The following SNTG1 variants were observed in gnomAD, a reference collection of about 807,000 sequenced individuals.
SNTG1 encodes syntrophin gamma 1.
Under a neutral mutation model 74.7 loss-of-function variants are expected in SNTG1, and 39 were observed. The observed-to-expected ratio is 0.52, with a 90% CI of 0.40 to 0.68. SNTG1 has a LOEUF of 0.68. SNTG1 is among the 30% of genes least tolerant of loss of function. The pLI, the probability that SNTG1 is intolerant of heterozygous loss-of-function variation, is 0.00. For synonymous variants in SNTG1, 254 were observed against 217.1 expected (o/e 1.17, Z -1.49); for missense variants, 685 against 609.5 (o/e 1.12, Z -1.30).
intron 12 of SNTG1, among the ~76,000 whole-genome samples, chr8:50,560,226 C>T (rs2094479367): frequency 6.6e-6 from 1 of 152,154 alleles, no homozygotes; most frequent in South Asian, 2.1e-4. Flanking sequence ...GCAACAAATG[C>T]TGGCAAGGTT....
intron 2 of SNTG1, among the ~76,000 whole-genome samples, chr8:50,287,865 G>A (rs761165073): frequency 9.2e-5 from 14 of 151,766 alleles, no homozygotes; most frequent in Non-Finnish European, 2.1e-4. Flanking sequence ...TTATGCTCAC[G>A]GCATTCCCAG....
intron 9 of SNTG1, among the ~76,000 whole-genome samples, chr8:50,522,605 G>C (rs1305936449): frequency 7.0e-6 from 1 of 142,218 alleles, no homozygotes; most frequent in African/African-American, 2.7e-5. Flanking sequence ...TTGAGACAGA[G>C]TCTCGTTCTG....
intron 18 of SNTG1, among the ~76,000 whole-genome samples, chr8:50,765,457 AGGGTCCTG>A (rs1275329785): frequency 2.6e-5 from 4 of 151,808 alleles, no homozygotes; most frequent in African/African-American, 7.3e-5. Flanking sequence ...ACGTGTTGTG[AGGGTCCTG>A]GGGTCTCTGG....
In SNTG1 at chr8:50,360,685, C is replaced by A. The variant is rs112971946; in HGVS notation, c.-27-33527C>A. Among the ~76,000 whole-genome samples, 483 of 152,192 alleles carry A rather than the reference C, an allele frequency of 3.2e-3. 5 individuals carry two copies. The highest frequency in any genetic ancestry group is 0.011 in the African/African-American group (456 of 41,522). ...ACATTACTATATTAAAACTTGCAGG[C>A]AATTGTAACAGCACAGTATTTATAT... On this transcript the variant is annotated intron_variant, in intron 2 of 18. Coordinates refer to ENST00000642720, the MANE Select transcript of SNTG1 (RefSeq NM_018967.5).
At chr8:50,436,311 T>C (rs2093302426) in intron 4 of SNTG1, among the ~76,000 whole-genome samples, 3 of 152,300 alleles carry the variant, frequency 2.0e-5, no homozygotes, top group Non-Finnish European at 2.9e-5. Flanking sequence ...AGTTTACCTA[T>C]CTATTTTGTA....
At chr8:50,656,862 C>A in intron 13 of SNTG1, 47 bp from the exon 14 acceptor site, 1 of 1,242,180 alleles carries the variant, frequency 8.1e-7, no homozygotes, top group Non-Finnish European at 1.2e-6. Flanking sequence ...TATAAGATAT[C>A]TAAAATAAGA....
At chr8:50,257,252 A>C (rs1313480870) in intron 2 of SNTG1, among the ~76,000 whole-genome samples, 2 of 152,094 alleles carry the variant, frequency 1.3e-5, no homozygotes, top group Non-Finnish European at 2.9e-5. Flanking sequence ...AAAATACTGG[A>C]CCCTATTGTC....
intron 11 of SNTG1, among the ~76,000 whole-genome samples, chr8:50,540,513 T>G (rs1268110841): frequency 6.6e-6 from 1 of 152,204 alleles, no homozygotes; most frequent in Non-Finnish European, 1.5e-5. Flanking sequence ...AGGTCATATG[T>G]GTTCGTTAGA....
At chr8:50,563,753 A>G (rs2094500675) in intron 12 of SNTG1, among the ~76,000 whole-genome samples, 1 of 152,060 alleles carries the variant, frequency 6.6e-6, no homozygotes, top group South Asian at 2.1e-4. Context: ...GGAGTCTCCT[A>G]AGAATACATT....
At chr8:50,488,299 C>T (rs770703677) in intron 8 of SNTG1, among the ~76,000 whole-genome samples, 2 of 152,168 alleles carry the variant, frequency 1.3e-5, no homozygotes, top group Admixed American at 6.5e-5. Context: ...GGAGAACTCA[C>T]GTTTACATGT....
intron 11 of SNTG1, among the ~76,000 whole-genome samples, chr8:50,544,637 A>G (rs1337263851): frequency 6.6e-6 from 1 of 152,092 alleles, no homozygotes; most frequent in Non-Finnish European, 1.5e-5. Flanking sequence ...TTTTTATGGC[A>G]TTCAGCACAT....
intron 3 of SNTG1, among the ~76,000 whole-genome samples, chr8:50,395,304 A>T (rs778325564): frequency 5.9e-5 from 9 of 152,116 alleles, no homozygotes; most frequent in African/African-American, 9.7e-5. Flanking sequence ...CATTTTAAAC[A>T]TATCTCTATG....
intron 1 of SNTG1, among the ~76,000 whole-genome samples, chr8:50,093,699 T>C (rs952476318): frequency 6.6e-6 from 1 of 151,926 alleles, no homozygotes; most frequent in Non-Finnish European, 1.5e-5. Flanking sequence ...AGTTATAAAG[T>C]ATAGGGGCAG....
At chr8:50,279,839 C>G (rs916698555) in intron 2 of SNTG1, among the ~76,000 whole-genome samples, 1 of 152,088 alleles carries the variant, frequency 6.6e-6, no homozygotes, top group South Asian at 2.1e-4. Flanking sequence ...AGGAAAAGTA[C>G]AGTGAAAAAG....
intron 1 of SNTG1, among the ~76,000 whole-genome samples, chr8:49,919,382 G>A (rs1389071264): frequency 6.6e-6 from 1 of 152,066 alleles, no homozygotes; most frequent in African/African-American, 2.4e-5. Flanking sequence ...CTAGCATAGT[G>A]CAGTTTTCAG....
chr8:50,519,520 G>GTT (rs2094161881), intron 9 of SNTG1, among the ~76,000 whole-genome samples: 1 of 152,196 alleles, frequency 6.6e-6, no homozygotes, highest in Non-Finnish European at 1.5e-5. Context: ...AATTGTCTCT[G>GTT]TTTGCAGATG....
chr8:50,694,525 C>T (rs574944808), intron 15 of SNTG1, among the ~76,000 whole-genome samples: 16 of 152,156 alleles, frequency 1.1e-4, no homozygotes, highest in Admixed American at 3.3e-4. Context: ...AGAACTGATG[C>T]CAATTTTCTA....
chr8:50,239,591 A>G lies in SNTG1; in HGVS notation c.-28+66956A>G, dbSNP rs187792696. Among the ~76,000 whole-genome samples the G allele has an allele frequency of 1.2e-4, 19 of 152,290 alleles. No individual in the cohort carries two copies. The East Asian group carries it at 2.9e-3, about 23-fold the overall frequency. ...CCAGTTGGCAATGGAATTTCTCCTA[A>G]TATCAAGGGTATCAGAATAATATCT... On this transcript the variant is annotated intron_variant, in intron 2 of 18. Transcript: ENST00000642720.
chr8:50,002,834 AC>A (rs1405633671), intron 1 of SNTG1, among the ~76,000 whole-genome samples: 1 of 152,204 alleles, frequency 6.6e-6, no homozygotes, highest in East Asian at 1.9e-4. Flanking sequence ...TAGCCAAAAA[AC>A]AGAACAAACA....
Sources: gnomAD v4.1 joint callset for allele counts (sites outside exome capture counted in the v4.1 genomes callset) on GRCh38, gnomAD v4.1.1 for gene constraint, MANE v1.5 for transcripts, NCBI Gene and HGNC (gene_info 2026-07-23, HGNC 2026-07-21) for gene names.